PICALM: variants seen among roughly 807,000 people sequenced by gnomAD.
PICALM encodes phosphatidylinositol-binding clathrin assembly protein.
PICALM carries 40 observed loss-of-function variants against 80.5 expected under a neutral mutation model. That is an observed-to-expected ratio of 0.50 (90% CI 0.39 to 0.65). The LOEUF (loss-of-function observed/expected upper bound fraction) is 0.65, where lower values mean the gene tolerates loss of function less well. Ranked by LOEUF, PICALM falls within the 30% of genes least tolerant of loss-of-function variation. PICALM has a pLI of 0.00. For synonymous variants in PICALM, 288 were observed against 260.3 expected, an observed-to-expected ratio of 1.11 and a Z score of -1.02; for missense variants, 676 against 778.9, an observed-to-expected ratio of 0.87 and a Z score of 1.57.
intron 1 of PICALM, among the ~76,000 whole-genome samples, chr11:86,033,096 T>C (rs776059944): frequency 6.6e-6 from 1 of 152,182 alleles, no homozygotes; most frequent in African/African-American, 2.4e-5. Flanking sequence ...ATATGCATGC[T>C]TCAACTTCTG....
chr11:86,008,191 G>T (rs970358092), intron 7 of PICALM, among the ~76,000 whole-genome samples: 4 of 152,230 alleles, frequency 2.6e-5, no homozygotes, highest in Middle Eastern at 3.4e-3. Flanking sequence ...AGCAAAAAAA[G>T]ATAGAAACGG....
rs111277864 is a variant in PICALM at position 86,061,556 on chromosome 11, C to T, written c.130+7095G>A. On this transcript the variant is annotated intron_variant, in intron 1 of 19. Transcript: ENST00000393346. ...AGGAAAATGCAAATTAAAACAATAC[C>T]ACTACACACCTATTAGAATGGCCAA... is the stretch of plus-strand genomic sequence containing the variant. Among the ~76,000 whole-genome samples, 1,044 of 151,902 alleles carry T rather than the reference C, an allele frequency of 6.9e-3. 5 individuals are homozygous for T. Among genetic ancestry groups the T allele is most frequent in the African/African-American group, 0.012 (500 of 41,426 alleles).
chr11:85,986,048 C>T (rs1407939040), intron 13 of PICALM, among the ~76,000 whole-genome samples: 2 of 151,908 alleles, frequency 1.3e-5, no homozygotes, highest in South Asian at 4.1e-4. Context: ...TAAAAGTATA[C>T]AAGGTTAGAA....
chr11:85,965,752 CAT>C (rs2093855467), intron 19 of PICALM, among the ~76,000 whole-genome samples: 1 of 147,896 alleles, frequency 6.8e-6, no homozygotes, highest in Admixed American at 6.8e-5. Flanking sequence ...CCATCAACAA[CAT>C]AACAAAGTAA....
At chr11:86,014,562 T>A (rs756866116) in intron 5 of PICALM, among the ~76,000 whole-genome samples, 28 of 152,162 alleles carry the variant, frequency 1.8e-4, no homozygotes, top group Non-Finnish European at 3.8e-4. Context: ...ATTTAAAAAA[T>A]ATCCCTGTAC....
At chr11:86,041,377 C>T (rs1182204078) in intron 1 of PICALM, among the ~76,000 whole-genome samples, 1 of 152,128 alleles carries the variant, frequency 6.6e-6, no homozygotes, top group African/African-American at 2.4e-5. Flanking sequence ...TATTCCTCCT[C>T]CTGCCACTAT....
At chr11:85,968,819 AG>A (rs2093996222) in intron 19 of PICALM, among the ~76,000 whole-genome samples, 2 of 152,212 alleles carry the variant, frequency 1.3e-5, no homozygotes. Flanking sequence ...TTAAACATCT[AG>A]GAAGATGCAC....
intron 18 of PICALM, among the ~76,000 whole-genome samples, chr11:85,975,925 G>A (rs2094266313): frequency 6.6e-6 from 1 of 151,954 alleles, no homozygotes; most frequent in Non-Finnish European, 1.5e-5. Context: ...CAATGACTAT[G>A]AAAAAAAGCT....
chr11:85,974,657 T>C, intron 19 of PICALM, 51 bp downstream of exon 19: 4 of 1,182,286 alleles, frequency 3.4e-6, no homozygotes, highest in Non-Finnish European at 5.1e-6. Context: ...TATAGTATCA[T>C]ATTCCTTCCA....
intron 19 of PICALM, among the ~76,000 whole-genome samples, chr11:85,969,363 G>A (rs180787779): frequency 1.3e-5 from 2 of 152,286 alleles, no homozygotes; most frequent in East Asian, 3.9e-4. Flanking sequence ...CAAAGAGCAA[G>A]GAAGAATTTT....
intron 19 of PICALM, among the ~76,000 whole-genome samples, chr11:85,972,455 T>C (rs753693735): frequency 1.3e-5 from 2 of 152,230 alleles, no homozygotes; most frequent in Non-Finnish European, 2.9e-5. Flanking sequence ...TCCAAGTCTG[T>C]CTTCTTTACC....
At chr11:86,052,422 C>T (rs2096204932) in intron 1 of PICALM, among the ~76,000 whole-genome samples, 1 of 152,154 alleles carries the variant, frequency 6.6e-6, no homozygotes, top group African/African-American at 2.4e-5. Context: ...TTGTGAATCC[C>T]TGAAGACTGA....
At chr11:85,961,550 C>G (rs1157525549) in intron 19 of PICALM, among the ~76,000 whole-genome samples, 1 of 152,228 alleles carries the variant, frequency 6.6e-6, no homozygotes, top group African/African-American at 2.4e-5. Context: ...CTCCCAAACA[C>G]AGACTATTCC....
intron 7 of PICALM, among the ~76,000 whole-genome samples, chr11:86,008,545 G>T (rs1040262351): frequency 6.6e-6 from 1 of 151,864 alleles, no homozygotes; most frequent in African/African-American, 2.4e-5. Context: ...GTTTGAACCC[G>T]GGAGGTAGAG....
intron 1 of PICALM, among the ~76,000 whole-genome samples, chr11:86,052,923 A>C (rs919430056): frequency 6.6e-6 from 1 of 152,216 alleles, no homozygotes; most frequent in Non-Finnish European, 1.5e-5. Context: ...TCCTGTCTAC[A>C]AATGTTTGCT....
At chr11:86,007,463 G>T in intron 8 of PICALM, 79 bp downstream of exon 8, 1 of 797,226 alleles carries the variant, frequency 1.3e-6, no homozygotes, top group Non-Finnish European at 2.2e-6. Context: ...GACAATGGGG[G>T]CTATATGTTA....
Position 86,015,251 on chromosome 11 carries a change from T to G in PICALM, c.453-288A>C, listed in dbSNP as rs67682051. Among the ~76,000 whole-genome samples the G allele has an allele frequency of 0.1, 15,449 of 152,244 alleles. 967 individuals carry two copies. Among genetic ancestry groups the G allele is most frequent in the Admixed American group, 0.14 (2,200 of 15,298 alleles). ...ATTATACAGCAAGGTCTATAGCTTG[T>G]ATTTTCACAAGATGAAATGATCTGA... On this transcript the variant is annotated intron_variant, in intron 4 of 19. Coordinates refer to ENST00000393346, the MANE Select transcript of PICALM (RefSeq NM_007166.4).
intron 19 of PICALM, among the ~76,000 whole-genome samples, chr11:85,961,489 C>T (rs1205952985): frequency 2.0e-5 from 3 of 152,102 alleles, no homozygotes; most frequent in African/African-American, 4.8e-5. Flanking sequence ...TTGTTTAATT[C>T]GAATATACTG....
rs147380246 is a variant in PICALM at position 86,039,940 on chromosome 11, C to T, written c.131-8329G>A. On this transcript the variant is annotated intron_variant, in intron 1 of 19. Coordinates refer to ENST00000393346, the MANE Select transcript of PICALM (RefSeq NM_007166.4). Reference sequence around the variant, plus strand: ...AATGACATGAACCCGGGTGGCGGAGCTTGCAGTGAGCCGAGATCGCGCCAT... The same window carrying T: ...AATGACATGAACCCGGGTGGCGGAGTTTGCAGTGAGCCGAGATCGCGCCAT... Among the ~76,000 whole-genome samples, 61 of 141,762 alleles carry T rather than the reference C, an allele frequency of 4.3e-4. 1 individual carries two copies. The East Asian group carries it at 0.012, about 28-fold the overall frequency. The allele number at this position is 141,762 out of a possible 152,430, so 93.0% of individuals were successfully genotyped here.
Sources: gnomAD v4.1 joint callset for allele counts (sites outside exome capture counted in the v4.1 genomes callset) on GRCh38, gnomAD v4.1.1 for gene constraint, MANE v1.5 for transcripts, NCBI Gene and HGNC (gene_info 2026-07-23, HGNC 2026-07-21) for gene names.